The following AK9 variants were observed in gnomAD, a reference collection of about 807,000 sequenced individuals.
The protein encoded by AK9 is adenylate kinase domain containing 1.
In AK9, 191 loss-of-function variants were observed where a neutral mutation model predicts 239.6. The ratio of observed to expected loss-of-function variants is 0.80; its 90% CI spans 0.71 to 0.90. The LOEUF is 0.90. Among genes scored for constraint, AK9 ranks in the 40% least tolerant of loss-of-function variants. AK9 has a pLI of 0.00. For synonymous variants in AK9, 689 were observed against 721.0 expected (o/e 0.96, Z 0.71); for missense variants, 1,995 against 2,214.7 (o/e 0.90, Z 1.99).
intron 25 of AK9, 83 bp downstream of exon 25, chr6:109,550,007 C>T: frequency 7.1e-7 from 1 of 1,408,072 alleles, no homozygotes; most frequent in Non-Finnish European, 9.8e-7. Flanking sequence ...GGGATTTCAC[C>T]CTTAAGTAAA....
intron 17 of AK9, among the ~76,000 whole-genome samples, chr6:109,595,677 A>G (rs1007121851): frequency 3.9e-5 from 6 of 152,248 alleles, no homozygotes; most frequent in African/African-American, 1.4e-4. Flanking sequence ...AGCCATAAAA[A>G]AGGATGAGTT....
chr6:109,647,705 C>A (rs1798275920), intron 8 of AK9, among the ~76,000 whole-genome samples: 2 of 151,974 alleles, frequency 1.3e-5, no homozygotes, highest in African/African-American at 4.8e-5. Flanking sequence ...ACAAGGATAC[C>A]CAGGAATTGA....
At chr6:109,596,997 A>C (rs984000816) in intron 17 of AK9, among the ~76,000 whole-genome samples, 1 of 152,132 alleles carries the variant, frequency 6.6e-6, no homozygotes, top group Non-Finnish European at 1.5e-5. Context: ...CTTACTGTTA[A>C]ATATTTATGT....
intron 20 of AK9, among the ~76,000 whole-genome samples, chr6:109,573,856 T>A (rs1448963696): frequency 2.0e-5 from 3 of 152,144 alleles, no homozygotes; most frequent in Admixed American, 1.3e-4. Context: ...TTGTGGCAGT[T>A]CCAAACATCC....
chr6:109,497,353 CA>C, intron 38 of AK9, 111 bp downstream of exon 38: 6 of 656,896 alleles, frequency 9.1e-6, no homozygotes, highest in East Asian at 3.3e-5. Context: ...CACACACACA[CA>C]CACACACACT....
At chr6:109,657,000 G>A (rs1186092939) in intron 7 of AK9, 116 bp from the exon 8 acceptor site, 4 of 1,213,046 alleles carry the variant, frequency 3.3e-6, no homozygotes, top group Non-Finnish European at 3.5e-6. Flanking sequence ...GCAGGGGGAG[G>A]GGACGATTAA....
At chr6:109,659,202 A>G (rs771492435) in intron 7 of AK9, 26 bp downstream of exon 7, 73 of 1,540,924 alleles carry the variant, frequency 4.7e-5, no homozygotes, top group Non-Finnish European at 5.9e-5. Context: ...AGTGTAGTGT[A>G]TGGTAGTTAC....
intron 20 of AK9, among the ~76,000 whole-genome samples, chr6:109,577,942 T>C (rs80140104): frequency 7.5e-6 from 1 of 133,212 alleles, no homozygotes; most frequent in Non-Finnish European, 1.5e-5. Context: ...TTTCTTTCTC[T>C]TTTTTTTTTT....
intron 8 of AK9, among the ~76,000 whole-genome samples, chr6:109,645,516 G>A (rs775497993): frequency 2.0e-5 from 3 of 152,176 alleles, no homozygotes; most frequent in South Asian, 2.1e-4. Context: ...AGGGGCATCC[G>A]CCATTGCTGA....
intron 9 of AK9, among the ~76,000 whole-genome samples, chr6:109,642,565 C>T (rs899679708): frequency 6.6e-6 from 1 of 152,128 alleles, no homozygotes; most frequent in Non-Finnish European, 1.5e-5. Flanking sequence ...TGGCAAGTTC[C>T]AGCCAGGCCC....
chr6:109,639,514 ATTTG>A (rs1320436368), intron 10 of AK9, among the ~76,000 whole-genome samples: 1 of 152,148 alleles, frequency 6.6e-6, no homozygotes, highest in Non-Finnish European at 1.5e-5. Context: ...TTTCTTGTAA[ATTTG>A]TTTAAGTTCT....
chr6:109,572,571 A>G (rs1363218541), intron 21 of AK9, among the ~76,000 whole-genome samples: 1 of 152,196 alleles, frequency 6.6e-6, no homozygotes, highest in East Asian at 1.9e-4. Context: ...TGGGGCTCTT[A>G]GATATGCATA....
chr6:109,509,300 G>C lies in AK9; in HGVS notation c.4360C>G (p.Pro1454Ala). ...GALRYVLNNHPETELALMLNW... is the reference protein window; with the variant it reads ...GALRYVLNNHAETELALMLNW... ...AACATAAGTGCCAGCTCTGTTTCCG[G>C]GTGATTGTTTAGTACATAACGCAAA... is the stretch of plus-strand genomic sequence containing the variant. The change falls in exon 33 of 41, where the codon CCG (proline) becomes GCG (alanine). Residue 1454 changes from proline (P) to alanine (A), a missense_variant. Pro to Ala is a conservative substitution (Grantham distance 27). Transcript: ENST00000424296. The C allele has an allele frequency of 6.4e-7, 1 of 1,551,606 alleles. No homozygotes were observed. Among genetic ancestry groups the C allele is most frequent in the Non-Finnish European group, 8.7e-7 (1 of 1,146,970 alleles).
At position 109,568,882 on chromosome 6, in the gene AK9, C is replaced by T. The variant is rs542599446; in HGVS notation, c.2345-4037G>A. Among the ~76,000 whole-genome samples, 4 of 152,256 alleles carry T rather than the reference C, an allele frequency of 2.6e-5. No homozygotes were observed. The East Asian group carries it at 7.7e-4, about 29-fold the overall frequency. ...AAGTAATTTATAGATTCAATGCCATCCCCATCAAGCTACCAATGACTTTCT... is the reference window on the plus strand; with the variant it reads ...AAGTAATTTATAGATTCAATGCCATTCCCATCAAGCTACCAATGACTTTCT... On this transcript the variant is annotated intron_variant, in intron 21 of 40. Coordinates refer to ENST00000424296, the MANE Select transcript of AK9 (RefSeq NM_001145128.3).
At chr6:109,530,392 C>A (rs1020320706) in intron 28 of AK9, among the ~76,000 whole-genome samples, 3 of 152,044 alleles carry the variant, frequency 2.0e-5, no homozygotes, top group Admixed American at 6.6e-5. Context: ...GTTTATGAGC[C>A]CCAGAAAGAT....
chr6:109,619,166 A>G lies in AK9; in HGVS notation c.1325T>C (p.Ile442Thr), dbSNP rs1029694771. ...KARETLVENTIAEATAAAIKV... is the reference protein window; with the variant it reads ...KARETLVENTTAEATAAAIKV... The stretch of plus-strand genomic sequence containing the variant: ...AATTGCTGCTGCAGTGGCCTCAGCT[A>G]TGGTATTTTCTACTAATGTTTCACG... The change falls in exon 13 of 41, where the codon ATA (isoleucine) becomes ACA (threonine). Residue 442 changes from isoleucine (I) to threonine (T), a missense_variant. This residue lies in a region of AK9 where 1,290 missense variants were observed against 1,392.7 expected (regional missense o/e 0.93). Coordinates refer to ENST00000424296, the MANE Select transcript of AK9 (RefSeq NM_001145128.3). The G allele has an allele frequency of 7.7e-6, 12 of 1,550,064 alleles. No homozygotes were observed. The African/African-American group carries it at 1.4e-4, about 18-fold the overall frequency.
At chr6:109,607,130 T>G (rs1185553152) in intron 17 of AK9, among the ~76,000 whole-genome samples, 5 of 152,128 alleles carry the variant, frequency 3.3e-5, no homozygotes, top group Non-Finnish European at 7.4e-5. Flanking sequence ...AAAAAATGGT[T>G]GCAGCAACAA....
At chr6:109,502,038 T>C (rs890886199) in intron 35 of AK9, among the ~76,000 whole-genome samples, 2 of 152,184 alleles carry the variant, frequency 1.3e-5, no homozygotes, top group Non-Finnish European at 1.5e-5. Flanking sequence ...TATCATCATA[T>C]CATGTGTATC....
intron 8 of AK9, among the ~76,000 whole-genome samples, chr6:109,652,527 A>G (rs373025287): frequency 6.6e-5 from 10 of 152,320 alleles, no homozygotes; most frequent in African/African-American, 1.9e-4. Flanking sequence ...ATCACTGTCA[A>G]TGTAACATTT....
Sources: allele counts gnomAD v4.1 joint callset (sites outside exome capture counted in the v4.1 genomes callset), GRCh38; gene constraint gnomAD v4.1.1; regional missense constraint gnomAD v4.1.1; transcripts MANE v1.5; gene names NCBI Gene and HGNC (gene_info 2026-07-23, HGNC 2026-07-21).